DDX10: variants seen among roughly 807,000 people sequenced by gnomAD.
DDX10 encodes the protein probable ATP-dependent RNA helicase DDX10.
Under a neutral mutation model 104.3 loss-of-function variants are expected in DDX10, and 74 were observed. That is an observed-to-expected ratio of 0.71 (90% CI 0.59 to 0.86). DDX10 has a LOEUF of 0.86. Among genes scored for constraint, DDX10 ranks in the 40% least tolerant of loss-of-function variants. DDX10 has a pLI of 0.00. For synonymous variants in DDX10, 351 were observed against 353.4 expected, an observed-to-expected ratio of 0.99 and a Z score of 0.08; for missense variants, 952 against 1,040.0, an observed-to-expected ratio of 0.92 and a Z score of 1.16.
chr11:108,678,870 A>AT (rs769948315), intron 5 of DDX10, among the ~76,000 whole-genome samples: 43,471 of 92,478 alleles, frequency 0.47, 13,001 homozygotes, highest in Non-Finnish European at 0.58. Flanking sequence ...GTTTCCCCTA[A>AT]TTTTTTTTTT....
At chr11:108,845,006 C>T (rs941844248) in intron 15 of DDX10, among the ~76,000 whole-genome samples, 1 of 152,022 alleles carries the variant, frequency 6.6e-6, no homozygotes. Flanking sequence ...ACCATCCTGG[C>T]TAACACAGTG....
intron 13 of DDX10, among the ~76,000 whole-genome samples, chr11:108,763,958 C>T (rs571016731): frequency 6.6e-6 from 1 of 152,018 alleles, no homozygotes; most frequent in African/African-American, 2.4e-5. Context: ...TTAACAATTC[C>T]AAATATAGAG....
intron 10 of DDX10, among the ~76,000 whole-genome samples, chr11:108,707,070 C>G (rs1446309685): frequency 6.6e-6 from 1 of 152,124 alleles, no homozygotes; most frequent in Non-Finnish European, 1.5e-5. Flanking sequence ...TTATCAACGT[C>G]CCCCACCAGA....
At chr11:108,755,499 C>A (rs1330815333) in intron 13 of DDX10, among the ~76,000 whole-genome samples, 1 of 151,946 alleles carries the variant, frequency 6.6e-6, no homozygotes, top group Non-Finnish European at 1.5e-5. Flanking sequence ...AGGCTACAAC[C>A]ACAGGATTGA....
At chr11:108,732,927 T>A (rs749093539) in intron 13 of DDX10, among the ~76,000 whole-genome samples, 2 of 152,222 alleles carry the variant, frequency 1.3e-5, no homozygotes, top group African/African-American at 2.4e-5. Context: ...CTTTTCTTTT[T>A]CAGTTTAAAC....
chr11:108,870,143 A>T (rs181254493), intron 16 of DDX10, among the ~76,000 whole-genome samples: 248 of 152,278 alleles, frequency 1.6e-3, no homozygotes, highest in African/African-American at 5.6e-3. Context: ...TTATTTAAAA[A>T]TAAAAACTTT....
intron 17 of DDX10, among the ~76,000 whole-genome samples, chr11:108,933,829 C>T (rs914652204): frequency 2.0e-5 from 3 of 152,210 alleles, no homozygotes; most frequent in Admixed American, 6.5e-5. Context: ...TTCTTTCTGA[C>T]CCTGTATGAC....
intron 13 of DDX10, among the ~76,000 whole-genome samples, chr11:108,747,973 G>T (rs571333622): frequency 3.5e-4 from 53 of 152,140 alleles, no homozygotes; most frequent in African/African-American, 1.2e-3. Context: ...TCTGTGTAGG[G>T]GCTTTTGATA....
At chr11:108,773,363 G>A (rs1054365496) in intron 13 of DDX10, among the ~76,000 whole-genome samples, 2 of 152,200 alleles carry the variant, frequency 1.3e-5, no homozygotes, top group African/African-American at 4.8e-5. Flanking sequence ...TGTCAAGGTA[G>A]CTGCACTTAC....
chr11:108,852,758 T>C (rs932124255), intron 16 of DDX10, among the ~76,000 whole-genome samples: 1 of 152,180 alleles, frequency 6.6e-6, no homozygotes, highest in Non-Finnish European at 1.5e-5. Context: ...ATAAACACTG[T>C]CCATGTGCAG....
chr11:108,776,636 G>A (rs1215976521), intron 13 of DDX10, among the ~76,000 whole-genome samples: 1 of 152,122 alleles, frequency 6.6e-6, no homozygotes, highest in African/African-American at 2.4e-5. Flanking sequence ...ATTAAGATGG[G>A]GGATTATTTT....
chr11:108,732,657 G>A (rs1399824012), intron 13 of DDX10, among the ~76,000 whole-genome samples: 1 of 152,128 alleles, frequency 6.6e-6, no homozygotes, highest in Non-Finnish European at 1.5e-5. Context: ...CACGAGTGAT[G>A]AAGCAATAAG....
At chr11:108,677,266 T>A (rs1291687460) in intron 4 of DDX10, 23 bp downstream of exon 4, 1 of 1,599,416 alleles carries the variant, frequency 6.3e-7, no homozygotes, top group South Asian at 1.1e-5. Flanking sequence ...GTCTATGTCC[T>A]TCCTTTCCTT....
At chr11:108,929,162 G>A (rs1455075163) in intron 17 of DDX10, among the ~76,000 whole-genome samples, 1 of 152,222 alleles carries the variant, frequency 6.6e-6, no homozygotes, top group African/African-American at 2.4e-5. Flanking sequence ...CAATAAAGAA[G>A]AGATACTGGA....
intron 16 of DDX10, among the ~76,000 whole-genome samples, chr11:108,904,708 C>T (rs934108107): frequency 3.3e-5 from 5 of 151,222 alleles, no homozygotes; most frequent in African/African-American, 1.2e-4. Flanking sequence ...AGATAGATCT[C>T]AACTAGTTCC....
intron 16 of DDX10, among the ~76,000 whole-genome samples, chr11:108,866,324 T>A (rs748769903): frequency 5.3e-5 from 8 of 152,044 alleles, no homozygotes; most frequent in Non-Finnish European, 1.0e-4. Context: ...CACAAGGAGA[T>A]GAAGTAGGTT....
chr11:108,877,644 C>T (rs1368061071), intron 16 of DDX10, among the ~76,000 whole-genome samples: 1 of 152,184 alleles, frequency 6.6e-6, no homozygotes, highest in Admixed American at 6.5e-5. Context: ...ATAATTTACA[C>T]TGTCTACATT....
intron 16 of DDX10, among the ~76,000 whole-genome samples, chr11:108,867,388 A>T (rs1863020336): frequency 6.6e-6 from 1 of 152,204 alleles, no homozygotes; most frequent in Non-Finnish European, 1.5e-5. Context: ...AGTAAGCCAG[A>T]GCTTCATTTG....
rs1241154338 is a variant in DDX10 at position 108,923,265 on chromosome 11, GT to G, written c.2450+5251del. Among the ~76,000 whole-genome samples, 12 of 152,168 alleles carry G rather than the reference GT, an allele frequency of 7.9e-5. 1 individual carries two copies. Among genetic ancestry groups the G allele is most frequent in the Admixed American group, 7.9e-4 (12 of 15,278 alleles). On this transcript the variant is annotated intron_variant, in intron 17 of 17. Coordinates refer to ENST00000322536, the MANE Select transcript of DDX10 (RefSeq NM_004398.4). The stretch of plus-strand genomic sequence containing the variant: ...AGTCCTGTGTTCTTATCTCAAGTAA[GT>G]TTTGAAAGAGTTTTGTACCTTTTGA...
Sources: allele counts gnomAD v4.1 joint callset (sites outside exome capture counted in the v4.1 genomes callset), GRCh38; gene constraint gnomAD v4.1.1; transcripts MANE v1.5; gene names NCBI Gene and HGNC (gene_info 2026-07-23, HGNC 2026-07-21).